The following APOL6 variants were observed in gnomAD, a reference collection of about 807,000 sequenced individuals.
APOL6 encodes the protein apolipoprotein L6.
APOL6 carries 1 observed loss-of-function variant against 2.4 expected under a neutral mutation model. The observed-to-expected ratio is 0.41, with a 90% CI of 0.15 to 1.94. The LOEUF is 1.94. Ranked by LOEUF, APOL6 falls within the 30% of genes most tolerant of loss-of-function variation. APOL6 has a pLI of 0.30. For synonymous variants in APOL6, 189 were observed against 169.3 expected (o/e 1.12, Z -0.90); for missense variants, 438 against 429.2 (o/e 1.02, Z -0.18).
At chr22:35,654,362 C>T (rs1340165714) in intron 1 of APOL6, among the ~76,000 whole-genome samples, 1 of 152,114 alleles carries the variant, frequency 6.6e-6, no homozygotes, top group Non-Finnish European at 1.5e-5. Context: ...GCCCCCCATC[C>T]TTGGAGGCTT....
chr22:35,657,748 C>G (rs1273021743), intron 2 of APOL6, among the ~76,000 whole-genome samples: 9 of 152,212 alleles, frequency 5.9e-5, no homozygotes, highest in Admixed American at 5.9e-4. Context: ...CTGTTATCAC[C>G]AGGCCTCCTC....
At chr22:35,654,221 A>G (rs1924779811) in intron 1 of APOL6, among the ~76,000 whole-genome samples, 1 of 152,122 alleles carries the variant, frequency 6.6e-6, no homozygotes, top group South Asian at 2.1e-4. Context: ...TTACACAGGC[A>G]TGATGGATTA....
At chr22:35,653,836 C>T (rs1264343367) in intron 1 of APOL6, among the ~76,000 whole-genome samples, 1 of 152,228 alleles carries the variant, frequency 6.6e-6, no homozygotes, top group Admixed American at 6.5e-5. Flanking sequence ...TCAGATCCCC[C>T]AGGTTAAGGG....
At position 35,665,171 on chromosome 22, in the gene APOL6, T is replaced by C. The variant is rs1925141517; in HGVS notation, c.*5575T>C. 6.6e-6 allele frequency: 1 copy of C among 152,016 alleles called. No individual in the cohort carries two copies. Among genetic ancestry groups the C allele is most frequent in the Non-Finnish European group, 1.5e-5 (1 of 67,990 alleles). 9.4% of individuals were successfully genotyped at this position (152,016 alleles called of 1,614,324 possible). ...ATCAAGTTGTCATATTATTATTAAG[T>C]TTTGGTTTGCTTAGGGAAGAAAGAG... On this transcript the variant is annotated 3_prime_UTR_variant, in exon 3 of 3. Transcript: ENST00000409652.
chr22:35,658,543 G>T, intron 2 of APOL6, 72 bp from the exon 3 acceptor site: 1 of 1,351,496 alleles, frequency 7.4e-7, no homozygotes, highest in Non-Finnish European at 1.0e-6. Context: ...AGAGTGGCAA[G>T]AATATCCAAG....
At chr22:35,651,938 G>A (rs1459340421) in intron 1 of APOL6, among the ~76,000 whole-genome samples, 1 of 152,162 alleles carries the variant, frequency 6.6e-6, no homozygotes, top group Non-Finnish European at 1.5e-5. Context: ...GGGTCAAATG[G>A]TATTTCTAGT....
rs1040131970 is a variant in APOL6, at chr22:35,659,380, A to C, written c.816A>C (p.Arg272Ser). 6.2e-7 allele frequency: 1 copy of C among 1,614,086 alleles called. No homozygotes were observed. The highest frequency in any genetic ancestry group is 1.3e-5 in the African/African-American group (1 of 75,022). Residue 272 changes from arginine to serine, a missense_variant, in exon 3 of 3, where the codon AGA becomes AGC. Physicochemically the swap from Arg to Ser is moderately radical, Grantham distance 110. Transcript: ENST00000409652. ...GARTKFAEEL[R>S]AKALELERKL... ...GGACAAAGTTTGCGGAAGAGTTGAG[A>C]GCCAAGGCCTTGGAGCTGGAGAGGA...
chr22:35,659,737 G>A lies in APOL6; in HGVS notation c.*141G>A, dbSNP rs2145958830. 1 of 1,277,674 alleles carries A rather than the reference G, an allele frequency of 7.8e-7. No homozygotes were observed. Among genetic ancestry groups the A allele is most frequent in the Non-Finnish European group, 1.1e-6 (1 of 951,634 alleles). 79.1% of individuals were successfully genotyped at this position (1,277,674 alleles called of 1,614,324 possible). A position where few individuals can be genotyped will look rare whatever the true frequency, so the allele number is the denominator to read the frequency against. ...CAATGCTCCTTAAGGCCTATGTGCT[G>A]GGAAAAGGGTCTTCCCTGTTTGTTT... On this transcript the variant is annotated 3_prime_UTR_variant, in exon 3 of 3. Coordinates refer to ENST00000409652, the MANE Select transcript of APOL6 (RefSeq NM_030641.4).
At chr22:35,655,245 G>A (rs1026105778) in intron 1 of APOL6, among the ~76,000 whole-genome samples, 8 of 152,268 alleles carry the variant, frequency 5.3e-5, no homozygotes, top group Non-Finnish European at 8.8e-5. Context: ...TTATGAATCT[G>A]TCTTGGGTTA....
chr22:35,653,345 A>G (rs1924750206), intron 1 of APOL6, among the ~76,000 whole-genome samples: 1 of 152,228 alleles, frequency 6.6e-6, no homozygotes, highest in Non-Finnish European at 1.5e-5. Context: ...ATCTGCAAAC[A>G]GGGACAATTT....
chr22:35,668,296 A>AAC lies in APOL6; in HGVS notation c.*8701_*8702dup, dbSNP rs777891965. ...TCTCATGTCTCCCTAAAATGTATAA[A>AAC]ACCACGCTGTTCCCCGACCACCTGG... On this transcript the variant is annotated 3_prime_UTR_variant, in exon 3 of 3. Transcript: ENST00000409652. 2.0e-5 allele frequency: 3 copies of AAC among 152,142 alleles called. No homozygotes were observed. Among genetic ancestry groups the AAC allele is most frequent in the African/African-American group, 4.8e-5 (2 of 41,418 alleles). 9.4% of individuals were successfully genotyped at this position (152,142 alleles called of 1,614,324 possible).
At chr22:35,655,927 C>T (rs1449601068) in intron 1 of APOL6, among the ~76,000 whole-genome samples, 3 of 152,306 alleles carry the variant, frequency 2.0e-5, no homozygotes, top group East Asian at 3.9e-4. Context: ...CCAGCAGGAG[C>T]AACTTGTGGG....
Position 35,659,243 on chromosome 22 carries a change from CTG to C in APOL6, c.680_681del (p.Leu227ArgfsTer21). Reference protein sequence around the residue: ...QVQKAFAGTTLAMTKNARVLG... With the variant: ...QVQKAFAGTTXAMTKNARVLG... ...GCAAAAGGCCTTTGCGGGAACAACA[CTG>C]GCGATGACCAAAAATGCTCGCGTGC... is the stretch of plus-strand genomic sequence containing the variant. On this transcript the variant is annotated frameshift_variant, in exon 3 of 3. Transcript: ENST00000409652. LOFTEE classifies it low-confidence loss of function (END_TRUNC). 6.2e-7 allele frequency: 1 copy of C among 1,614,210 alleles called. No homozygotes were observed. The highest frequency in any genetic ancestry group is 8.5e-7 in the Non-Finnish European group (1 of 1,180,034).
chr22:35,651,712 A>G (rs557509290), intron 1 of APOL6, among the ~76,000 whole-genome samples: 37 of 152,218 alleles, frequency 2.4e-4, no homozygotes, highest in Non-Finnish European at 4.0e-4. Flanking sequence ...CCATGTCCCT[A>G]CAAAGGACAC....
intron 2 of APOL6, among the ~76,000 whole-genome samples, chr22:35,657,790 C>A (rs796112459): frequency 1.3e-5 from 2 of 152,308 alleles, no homozygotes; most frequent in African/African-American, 4.8e-5. Flanking sequence ...ACAAATGGCA[C>A]CTTGCATGAG....
At chr22:35,656,554 A>T (rs1175299197) in intron 2 of APOL6, 79 bp downstream of exon 2, 2 of 1,520,128 alleles carry the variant, frequency 1.3e-6, no homozygotes, top group African/African-American at 2.7e-5. Flanking sequence ...TAAGGAATAC[A>T]TGTGCTCTGA....
At position 35,660,182 on chromosome 22, in the gene APOL6, A is replaced by G. The variant is rs1157532448; in HGVS notation, c.*586A>G. ...CCTAAACCAAAATGTGGCTGTATTT[A>G]GAGATGGACCCTTTGGGAGGTAATT... On this transcript the variant is annotated 3_prime_UTR_variant, in exon 3 of 3. Transcript: ENST00000409652. The G allele has an allele frequency of 6.4e-6, 1 of 155,836 alleles. No individual in the cohort carries two copies. Among genetic ancestry groups the G allele is most frequent in the African/African-American group, 2.4e-5 (1 of 41,458 alleles). 9.7% of individuals were successfully genotyped at this position (155,836 alleles called of 1,614,324 possible).
In APOL6 at chr22:35,659,184, C is replaced by T. The variant is rs1365164143; in HGVS notation, c.620C>T (p.Thr207Ile). 3 of 1,614,212 alleles carry T rather than the reference C, an allele frequency of 1.9e-6. No individual in the cohort carries two copies. The highest frequency in any genetic ancestry group is 2.2e-5 in the South Asian group (2 of 91,086). Reference sequence around the variant, plus strand: ...AATGCTACCAAGCGTCTTCTGACCACTGGCCAAGTCTCCTCCCGGAGCCGC... The same window carrying T: ...AATGCTACCAAGCGTCTTCTGACCATTGGCCAAGTCTCCTCCCGGAGCCGC... The part of the protein sequence containing the change: ...LANATKRLLT[T>I]GQVSSRSRVQ... The change falls in exon 3 of 3, where the codon ACT becomes ATT. Residue 207 changes from threonine to isoleucine, a missense_variant. Coordinates refer to ENST00000409652, the MANE Select transcript of APOL6 (RefSeq NM_030641.4).
Position 35,659,702 on chromosome 22 carries a change from G to C in APOL6, c.*106G>C, listed in dbSNP as rs1343865148. 24 of 1,430,568 alleles carry C rather than the reference G, an allele frequency of 1.7e-5. No homozygotes were observed. In the East Asian group the frequency reaches 5.5e-4, roughly 33 times the overall value. 88.6% of individuals were successfully genotyped at this position (1,430,568 alleles called of 1,614,324 possible). A position where few individuals can be genotyped will look rare whatever the true frequency, so the allele number is the denominator to read the frequency against. ...CTGGACAGACCTCGGCATGCCTTCT[G>C]TTTCTCCTTCAATGCTCCTTAAGGC... On this transcript the variant is annotated 3_prime_UTR_variant, in exon 3 of 3. Transcript: ENST00000409652.
Sources: allele counts gnomAD v4.1 joint callset (sites outside exome capture counted in the v4.1 genomes callset), GRCh38; gene constraint gnomAD v4.1.1; transcripts MANE v1.5; gene names NCBI Gene and HGNC (gene_info 2026-07-23, HGNC 2026-07-21).